FHIP1A: variants seen among roughly 807,000 people sequenced by gnomAD.
FHIP1A encodes the protein FHF complex subunit HOOK interacting protein 1A, also known as FHF complex subunit HOOK-interacting protein 1A.
Under a neutral mutation model 88.6 loss-of-function variants are expected in FHIP1A, and 61 were observed. The ratio of observed to expected loss-of-function variants is 0.69; its 90% CI spans 0.56 to 0.85. FHIP1A has a LOEUF of 0.85. Ranked by LOEUF, FHIP1A falls within the 40% of genes least tolerant of loss-of-function variation. FHIP1A has a pLI of 0.00. For missense variants in FHIP1A, 1,154 were observed against 1,273.5 expected, an observed-to-expected ratio of 0.91 and a Z score of 1.43; for synonymous variants, 478 against 496.0, an observed-to-expected ratio of 0.96 and a Z score of 0.48.
Position 151,471,792 on chromosome 4 carries a change from C to T in FHIP1A, c.-247-10732C>T, listed in dbSNP as rs138339779. Among the ~76,000 whole-genome samples the T allele has an allele frequency of 9.2e-3, 1,398 of 152,208 alleles. 19 individuals carry two copies. Among genetic ancestry groups the T allele is most frequent in the African/African-American group, 0.031 (1,306 of 41,540 alleles). ...TTCCCACCCATTCCCCCTGAGTCCCCAAAGTCCGTTGTGTCATTCTTATGC... is the reference window on the plus strand; with the variant it reads ...TTCCCACCCATTCCCCCTGAGTCCCTAAAGTCCGTTGTGTCATTCTTATGC... On this transcript the variant is annotated intron_variant, in intron 2 of 13. Transcript: ENST00000435205.
At chr4:151,534,184 A>G (rs1174084979) in intron 3 of FHIP1A, among the ~76,000 whole-genome samples, 1 of 152,236 alleles carries the variant, frequency 6.6e-6, no homozygotes, top group Admixed American at 6.5e-5. Context: ...GGAAACCTGA[A>G]TTTGAGGCCC....
chr4:151,483,834 A>G (rs137861101), intron 3 of FHIP1A, among the ~76,000 whole-genome samples: 184 of 152,306 alleles, frequency 1.2e-3, no homozygotes, highest in African/African-American at 4.2e-3. Flanking sequence ...TGATAATCAT[A>G]AATAGCAGTT....
At chr4:151,555,951 A>AT (rs1732930721) in intron 3 of FHIP1A, among the ~76,000 whole-genome samples, 1 of 152,000 alleles carries the variant, frequency 6.6e-6, no homozygotes, top group Non-Finnish European at 1.5e-5. Flanking sequence ...CATCCCTTTT[A>AT]TTTTTTTCTT....
At chr4:151,427,225 CACTT>C (rs973845968) in intron 1 of FHIP1A, among the ~76,000 whole-genome samples, 24 of 152,016 alleles carry the variant, frequency 1.6e-4, no homozygotes, top group South Asian at 4.2e-4. Flanking sequence ...TTTAAAAGTG[CACTT>C]ACTTAGCCTT....
intron 7 of FHIP1A, among the ~76,000 whole-genome samples, chr4:151,620,075 C>T (rs1016761331): frequency 5.3e-5 from 8 of 152,208 alleles, no homozygotes; most frequent in African/African-American, 1.9e-4. Flanking sequence ...AAGCTTCTTA[C>T]ATGTAAACAA....
rs182413994 is a variant in FHIP1A, at chr4:151,548,296, G to A, written c.-122-17842G>A. On this transcript the variant is annotated intron_variant, in intron 3 of 13. Coordinates refer to ENST00000435205, the MANE Select transcript of FHIP1A (RefSeq NM_001109977.3). ...AATATCAGAGTAATATTTAATAAGC[G>A]GGCTAATTCCATGGAAACAGTTTTA... 5.9e-5 allele frequency among the ~76,000 whole-genome samples: 9 copies of A among 152,172 alleles called. No homozygotes were observed. The East Asian group carries it at 1.2e-3, about 20-fold the overall frequency.
At chr4:151,626,818 C>G (rs1735970205) in intron 7 of FHIP1A, among the ~76,000 whole-genome samples, 2 of 152,194 alleles carry the variant, frequency 1.3e-5, no homozygotes, top group African/African-American at 2.4e-5. Flanking sequence ...ATGCTACTTT[C>G]CAGTCTTGCT....
Position 151,656,822 on chromosome 4 carries a change from G to C in FHIP1A, c.2793G>C (p.Gly931=), listed in dbSNP as rs533374502. The change falls in exon 13 of 14, where the codon GGG becomes GGC. Residue 931 remains glycine, a synonymous_variant. Transcript: ENST00000435205. This position sits in a 1 kb window ranked among gnomAD's most constrained non-coding sequence, Gnocchi z 4.2. ...QFASVERDFP[G]LLIQAQQYLL... The stretch of plus-strand genomic sequence containing the variant: ...CTTCTGTGGAGAGAGACTTCCCAGG[G>C]CTCCTCATTCAAGCTCAGCAGTACC... The C allele has an allele frequency of 6.4e-6, 10 of 1,551,592 alleles. No homozygotes were observed. Among genetic ancestry groups the C allele is most frequent in the African/African-American group, 5.5e-5 (4 of 73,126 alleles).
At chr4:151,647,914 G>A (rs1199388855) in intron 10 of FHIP1A, among the ~76,000 whole-genome samples, 1 of 152,138 alleles carries the variant, frequency 6.6e-6, no homozygotes, top group Admixed American at 6.5e-5. Flanking sequence ...GAAGAAGGTA[G>A]TATTCCCATT....
At chr4:151,560,869 A>T (rs1005162563) in intron 3 of FHIP1A, among the ~76,000 whole-genome samples, 8 of 151,988 alleles carry the variant, frequency 5.3e-5, no homozygotes, top group South Asian at 2.1e-4. Context: ...TCTTCTTTAA[A>T]TTTTTTTTAA....
chr4:151,582,712 G>A (rs572848840), intron 5 of FHIP1A, among the ~76,000 whole-genome samples: 4 of 152,132 alleles, frequency 2.6e-5, no homozygotes, highest in Non-Finnish European at 4.4e-5. Flanking sequence ...TGAAAAATGG[G>A]TTAATGCTTA....
intron 13 of FHIP1A, among the ~76,000 whole-genome samples, chr4:151,659,519 C>T: frequency 6.6e-6 from 1 of 152,196 alleles, no homozygotes. Context: ...GGGAGATGAA[C>T]ACATAATGTA....
intron 9 of FHIP1A, among the ~76,000 whole-genome samples, chr4:151,639,094 G>A (rs993057033): frequency 6.6e-6 from 1 of 152,184 alleles, no homozygotes; most frequent in African/African-American, 2.4e-5. Context: ...CTCCTGAAGT[G>A]CATTTATAGG....
At chr4:151,512,131 A>G (rs1318627485) in intron 3 of FHIP1A, among the ~76,000 whole-genome samples, 7 of 152,232 alleles carry the variant, frequency 4.6e-5, no homozygotes, top group Admixed American at 3.9e-4. Context: ...GTGGATCACG[A>G]AAATCCGCTC....
At chr4:151,533,240 T>A (rs1284311584) in intron 3 of FHIP1A, among the ~76,000 whole-genome samples, 2 of 152,022 alleles carry the variant, frequency 1.3e-5, no homozygotes, top group African/African-American at 4.8e-5. Context: ...ACAAAAATTT[T>A]AAAAAATTAG....
intron 2 of FHIP1A, among the ~76,000 whole-genome samples, chr4:151,476,802 G>A (rs1041075494): frequency 7.2e-5 from 11 of 152,084 alleles, no homozygotes; most frequent in Admixed American, 6.6e-5. Context: ...AATGTGCCTG[G>A]ATACCCAAGT....
chr4:151,496,622 C>T (rs948649886), intron 3 of FHIP1A, among the ~76,000 whole-genome samples: 6 of 151,540 alleles, frequency 4.0e-5, no homozygotes, highest in African/African-American at 1.5e-4. Context: ...AATCTCAGCT[C>T]ACTGCATTCT....
In FHIP1A at chr4:151,649,923, T is replaced by C. The variant is rs1352257108; in HGVS notation, c.1882T>C (p.Phe628Leu). Residue 628 changes from phenylalanine (F) to leucine (L), a missense_variant, in exon 11 of 14, where the codon TTC becomes CTC. By Grantham distance (22) the Phe-to-Leu change is conservative. Coordinates refer to ENST00000435205, the MANE Select transcript of FHIP1A (RefSeq NM_001109977.3). ...QEMKKNALLL[F>L]KGSYIEESDF... ...GATGAAGAAGAATGCCCTCCTGCTC[T>C]TCAAAGGGTCCTACATAGAAGAGTC... The C allele has an allele frequency of 1.3e-6, 2 of 1,551,430 alleles. No homozygotes were observed. The highest frequency in any genetic ancestry group is 1.7e-6 in the Non-Finnish European group (2 of 1,146,972).
At chr4:151,632,740 A>G (rs1414755472) in intron 8 of FHIP1A, among the ~76,000 whole-genome samples, 3 of 152,128 alleles carry the variant, frequency 2.0e-5, no homozygotes, top group African/African-American at 7.2e-5. Flanking sequence ...TGGGCCAAAG[A>G]AGAAATCACA....
Sources: gnomAD v4.1 joint callset for allele counts (sites outside exome capture counted in the v4.1 genomes callset) on GRCh38, gnomAD v4.1.1 for gene constraint, Gnocchi (gnomAD v3.1) non-coding constraint, MANE v1.5 for transcripts, NCBI Gene and HGNC (gene_info 2026-07-23, HGNC 2026-07-21) for gene names.